LTBP1: variants seen among roughly 807,000 people sequenced by gnomAD.
The protein encoded by LTBP1 is latent-transforming growth factor beta-binding protein 1.
In LTBP1, 129 loss-of-function variants were observed where a neutral mutation model predicts 207.6. That is an observed-to-expected ratio of 0.62 (90% CI 0.54 to 0.72). The LOEUF (loss-of-function observed/expected upper bound fraction) is 0.72. LTBP1 is among the 30% of genes least tolerant of loss of function. The pLI, the probability that LTBP1 is intolerant of heterozygous loss-of-function variation, is 0.00. For missense variants in LTBP1, 2,281 were observed against 2,217.2 expected, an observed-to-expected ratio of 1.03 and a Z score of -0.58; for synonymous variants, 963 against 833.7, an observed-to-expected ratio of 1.16 and a Z score of -2.67.
intron 22 of LTBP1, among the ~76,000 whole-genome samples, chr2:33,305,156 T>C (rs1262677205): frequency 2.0e-5 from 3 of 149,944 alleles, no homozygotes; most frequent in Non-Finnish European, 4.4e-5. Context: ...CTACTAAAAA[T>C]ACAAAAAAAA....
At chr2:33,381,064 A>C (rs2095208565) in intron 31 of LTBP1, among the ~76,000 whole-genome samples, 1 of 151,888 alleles carries the variant, frequency 6.6e-6, no homozygotes, top group African/African-American at 2.4e-5. Context: ...CATGCTGAAC[A>C]CTCTTTTCAT....
chr2:33,131,914 G>C (rs556521085), intron 4 of LTBP1, among the ~76,000 whole-genome samples: 43 of 152,286 alleles, frequency 2.8e-4, no homozygotes, highest in African/African-American at 9.9e-4. Context: ...TGCTTATAAA[G>C]TGACTACTGT....
intron 2 of LTBP1, among the ~76,000 whole-genome samples, chr2:33,001,912 G>A (rs1686099436): frequency 7.4e-6 from 1 of 134,902 alleles, no homozygotes; most frequent in Admixed American, 7.6e-5. Context: ...TCCCATCTTT[G>A]TAGAGATTTC....
intron 28 of LTBP1, among the ~76,000 whole-genome samples, chr2:33,361,997 T>C (rs547701089): frequency 5.9e-5 from 9 of 152,298 alleles, no homozygotes; most frequent in African/African-American, 1.7e-4. Flanking sequence ...TGTGCACAAG[T>C]TCATAATGAG....
At chr2:33,277,807 T>TC in intron 18 of LTBP1, among the ~76,000 whole-genome samples, 1 of 109,034 alleles carries the variant, frequency 9.2e-6, no homozygotes, top group Admixed American at 9.8e-5. Flanking sequence ...CTCTCTCTCT[T>TC]TCTTTTTTTC....
Position 32,947,061 on chromosome 2 carries a change from G to A in LTBP1, c.-264G>A. 1 of 283,924 alleles carries A rather than the reference G, an allele frequency of 3.5e-6. No homozygotes were observed. Among genetic ancestry groups the A allele is most frequent in the East Asian group, 5.9e-5 (1 of 17,080 alleles). 17.6% of individuals were successfully genotyped at this position (283,924 alleles called of 1,614,324 possible). On this transcript the variant is annotated 5_prime_UTR_variant, in exon 1 of 34. Coordinates refer to ENST00000404816, the MANE Select transcript of LTBP1 (RefSeq NM_206943.4). ...CGCGGACCCTCACCTTGCGCGGCCC[G>A]CTCCCCTCGCCCCTCCCCGCTCCCC...
At chr2:33,379,196 C>CTTTT (rs550839552) in intron 31 of LTBP1, among the ~76,000 whole-genome samples, 67 of 108,524 alleles carry the variant, frequency 6.2e-4, no homozygotes, top group African/African-American at 7.3e-4. Context: ...TTTGCCATTG[C>CTTTT]TTTTTTTTTT....
chr2:33,323,297 G>A (rs972326360), intron 24 of LTBP1, among the ~76,000 whole-genome samples: 2 of 152,090 alleles, frequency 1.3e-5, no homozygotes, highest in Non-Finnish European at 2.9e-5. Flanking sequence ...ATGGGAACTC[G>A]AAGTACAGTT....
chr2:33,201,108 C>G (rs551354924), intron 7 of LTBP1, among the ~76,000 whole-genome samples: 1 of 152,002 alleles, frequency 6.6e-6, no homozygotes, highest in African/African-American at 2.4e-5. Context: ...ACCATTTGAC[C>G]CAGCCATCCC....
chr2:33,212,488 A>G (rs949884100), intron 7 of LTBP1, among the ~76,000 whole-genome samples: 1 of 152,156 alleles, frequency 6.6e-6, no homozygotes, highest in Non-Finnish European at 1.5e-5. Flanking sequence ...TATTTCCTAG[A>G]TGGGATAATG....
chr2:33,275,981 C>T, intron 18 of LTBP1, 58 bp downstream of exon 18: 2 of 1,501,292 alleles, frequency 1.3e-6, no homozygotes, highest in South Asian at 1.4e-5. Flanking sequence ...TTGGTAGGCA[C>T]CTTGCCTGGT....
intron 3 of LTBP1, among the ~76,000 whole-genome samples, chr2:33,085,017 A>T (rs2078668646): frequency 6.6e-6 from 1 of 152,220 alleles, no homozygotes; most frequent in South Asian, 2.1e-4. Context: ...TGATGTAACC[A>T]TGTGGGTTCT....
intron 3 of LTBP1, among the ~76,000 whole-genome samples, chr2:33,097,234 A>G (rs1417684571): frequency 6.6e-6 from 1 of 152,218 alleles, no homozygotes; most frequent in African/African-American, 2.4e-5. Context: ...AAATGTTTCA[A>G]TATTACCCTA....
intron 23 of LTBP1, among the ~76,000 whole-genome samples, chr2:33,313,385 A>G (rs2094214849): frequency 6.6e-6 from 1 of 152,234 alleles, no homozygotes; most frequent in African/African-American, 2.4e-5. Context: ...GGGAAGATCA[A>G]CAAGTCAAAA....
At chr2:33,265,444 T>A (rs1353637420) in intron 15 of LTBP1, among the ~76,000 whole-genome samples, 2 of 152,184 alleles carry the variant, frequency 1.3e-5, no homozygotes, top group Non-Finnish European at 1.5e-5. Flanking sequence ...TAAATAGAAA[T>A]AACTGTACAT....
intron 5 of LTBP1, among the ~76,000 whole-genome samples, chr2:33,170,742 C>T (rs1378892607): frequency 1.6e-5 from 2 of 124,636 alleles, no homozygotes; most frequent in Non-Finnish European, 3.6e-5. Flanking sequence ...CCCGAGCAGC[C>T]TAACTGGGAG....
chr2:33,078,732 C>T (rs1049528450), intron 3 of LTBP1, among the ~76,000 whole-genome samples: 1 of 152,048 alleles, frequency 6.6e-6, no homozygotes, highest in Non-Finnish European at 1.5e-5. Flanking sequence ...TTAAGAGTGG[C>T]ATATCACTAA....
At chr2:33,034,441 A>C (rs2075823571) in intron 3 of LTBP1, among the ~76,000 whole-genome samples, 1 of 152,178 alleles carries the variant, frequency 6.6e-6, no homozygotes, top group South Asian at 2.1e-4. Context: ...ATGTATATCA[A>C]CTATTTATAA....
At chr2:33,077,976 ACCC>A (rs2078176258) in intron 3 of LTBP1, among the ~76,000 whole-genome samples, 2 of 152,162 alleles carry the variant, frequency 1.3e-5, no homozygotes, top group Non-Finnish European at 2.9e-5. Context: ...GGGTGAACTC[ACCC>A]TTGTAGATTT....
Sources: gnomAD v4.1 joint callset for allele counts (sites outside exome capture counted in the v4.1 genomes callset) on GRCh38, gnomAD v4.1.1 for gene constraint, MANE v1.5 for transcripts, NCBI Gene and HGNC (gene_info 2026-07-23, HGNC 2026-07-21) for gene names.